CAPZB: variants seen among roughly 807,000 people sequenced by gnomAD.
CAPZB encodes capping actin protein of muscle Z-line subunit beta.
CAPZB carries 2 observed loss-of-function variants against 38.1 expected under a neutral mutation model. That is an observed-to-expected ratio of 0.05 (90% confidence interval 0.02 to 0.17). The LOEUF is 0.17. Among genes scored for constraint, CAPZB ranks in the 10% least tolerant of loss-of-function variants. The pLI is 1.00. For missense variants in CAPZB, 161 were observed against 334.2 expected (o/e 0.48, Z 4.04); for synonymous variants, 107 against 127.4 (o/e 0.84, Z 1.08).
intron 1 of CAPZB, among the ~76,000 whole-genome samples, chr1:19,476,084 A>G (rs1232840262): frequency 6.6e-6 from 1 of 152,200 alleles, no homozygotes; most frequent in Non-Finnish European, 1.5e-5. Flanking sequence ...AGCATTTTAG[A>G]AGGTCAAGGC....
intron 6 of CAPZB, 103 bp from the exon 7 acceptor site, chr1:19,345,355 C>A (rs2093954694): frequency 1.1e-6 from 1 of 920,910 alleles, no homozygotes. Flanking sequence ...CTACTGTTCC[C>A]ACCGTGGAGC....
At chr1:19,471,586 T>C (rs965476601) in intron 1 of CAPZB, among the ~76,000 whole-genome samples, 11 of 114,686 alleles carry the variant, frequency 9.6e-5, no homozygotes, top group South Asian at 2.8e-4. Context: ...CTTCCTCGGC[T>C]GGGCGCTGTG....
chr1:19,439,037 T>C (rs566666609), intron 1 of CAPZB, among the ~76,000 whole-genome samples: 5 of 152,318 alleles, frequency 3.3e-5, no homozygotes, highest in African/African-American at 1.2e-4. Flanking sequence ...TTACATGTTG[T>C]AAACATCACA....
intron 2 of CAPZB, among the ~76,000 whole-genome samples, chr1:19,411,623 C>A (rs1258330561): frequency 6.6e-6 from 1 of 152,156 alleles, no homozygotes; most frequent in East Asian, 1.9e-4. Flanking sequence ...ATTCATTCCA[C>A]CGTAATTGTC....
intron 2 of CAPZB, among the ~76,000 whole-genome samples, chr1:19,400,194 C>A (rs2094295545): frequency 6.6e-6 from 1 of 152,032 alleles, no homozygotes; most frequent in Non-Finnish European, 1.5e-5. Flanking sequence ...CTAAAGGGAG[C>A]CCAGTTTTTC....
chr1:19,362,739 C>G (rs968121082), intron 4 of CAPZB, among the ~76,000 whole-genome samples: 4 of 152,140 alleles, frequency 2.6e-5, no homozygotes, highest in Non-Finnish European at 5.9e-5. Context: ...GAAAGCCAGA[C>G]AGCACGGGCA....
chr1:19,460,246 G>A (rs1194109654), intron 1 of CAPZB, among the ~76,000 whole-genome samples: 11 of 152,314 alleles, frequency 7.2e-5, no homozygotes, highest in African/African-American at 2.4e-4. Context: ...TTAAATTTGT[G>A]AGTGGAAGAC....
intron 2 of CAPZB, among the ~76,000 whole-genome samples, chr1:19,390,729 A>C (rs1330697196): frequency 1.3e-5 from 2 of 152,060 alleles, no homozygotes; most frequent in Non-Finnish European, 2.9e-5. Flanking sequence ...GAAAAGAAAA[A>C]ACCCCAGAAG....
At position 19,446,178 on chromosome 1, in the gene CAPZB, G is replaced by A. The variant is rs557897169; in HGVS notation, c.4-26428C>T. 3.9e-5 allele frequency among the ~76,000 whole-genome samples: 6 copies of A among 152,316 alleles called. No individual in the cohort carries two copies. In the East Asian group the frequency reaches 1.2e-3, roughly 29 times the overall value. On this transcript the variant is annotated intron_variant, in intron 1 of 8. Transcript: ENST00000264202. ...GCTGCACTGCCAGGCTCGCTTTAAA[G>A]CCAGGCCAAAGGAAAACAGCACTGG... is the stretch of plus-strand genomic sequence containing the variant.
chr1:19,419,688 C>G lies in CAPZB; in HGVS notation c.66G>C (p.Glu22Asp). The G allele has an allele frequency of 2.5e-6, 4 of 1,596,488 alleles. No individual in the cohort carries two copies. Among genetic ancestry groups the G allele is most frequent in the Non-Finnish European group, 3.4e-6 (4 of 1,170,454 alleles). ...GGTCGATCAGGTCGCTGAGGTTTTT[C>G]TCGATTTGCTGGGGAGGCAGGCGCC... ...LMRRLPPQQI[E>D]KNLSDLIDLV... Residue 22 changes from glutamate to aspartate, a missense_variant, in exon 2 of 9, where the codon GAG (glutamate) becomes GAC (aspartate). Glu to Asp is a conservative substitution (Grantham distance 45). Coordinates refer to ENST00000264202, the MANE Select transcript of CAPZB (RefSeq NM_004930.5).
At chr1:19,414,392 A>T (rs2094370448) in intron 2 of CAPZB, among the ~76,000 whole-genome samples, 1 of 152,206 alleles carries the variant, frequency 6.6e-6, no homozygotes, top group African/African-American at 2.4e-5. Flanking sequence ...CTCCCCGGTA[A>T]AAAATCAGGA....
intron 4 of CAPZB, among the ~76,000 whole-genome samples, chr1:19,367,686 C>T (rs1230257683): frequency 6.6e-6 from 1 of 152,158 alleles, no homozygotes; most frequent in Non-Finnish European, 1.5e-5. Context: ...GTGCAACAAT[C>T]CCCCGAGTCA....
At chr1:19,457,697 G>A (rs1406240953) in intron 1 of CAPZB, among the ~76,000 whole-genome samples, 3 of 152,284 alleles carry the variant, frequency 2.0e-5, no homozygotes, top group East Asian at 1.9e-4. Flanking sequence ...CACTGCGGAC[G>A]GTGTTATGAA....
chr1:19,435,178 C>G (rs189135727), intron 1 of CAPZB, among the ~76,000 whole-genome samples: 159 of 152,276 alleles, frequency 1.0e-3, no homozygotes, highest in Middle Eastern at 0.01. Context: ...ATGATCTTTA[C>G]TAGTGGAAAC....
chr1:19,438,976 G>A (rs369127727), intron 1 of CAPZB, among the ~76,000 whole-genome samples: 1 of 152,222 alleles, frequency 6.6e-6, no homozygotes, highest in African/African-American at 2.4e-5. Flanking sequence ...ATAGGAATCC[G>A]TTTCCAATCA....
chr1:19,382,852 C>T lies in CAPZB; in HGVS notation c.215+2653G>A, dbSNP rs150831705. 2.3e-3 allele frequency among the ~76,000 whole-genome samples: 343 copies of T among 152,278 alleles called. 3 individuals are homozygous for T. The highest frequency in any genetic ancestry group is 7.8e-3 in the African/African-American group (326 of 41,556). On this transcript the variant is annotated intron_variant, in intron 3 of 8. Transcript: ENST00000264202. ...GATTAAGCAAGACCAGTTCAAGGAA[C>T]ACCTCCTCCAGGAAGCGTTCCCTGA...
At chr1:19,355,786 C>A (rs893322350) in intron 6 of CAPZB, among the ~76,000 whole-genome samples, 8 of 152,186 alleles carry the variant, frequency 5.3e-5, no homozygotes, top group Non-Finnish European at 2.9e-5. Context: ...TTCTCTTCCC[C>A]CTTTACGCCA....
intron 1 of CAPZB, among the ~76,000 whole-genome samples, chr1:19,448,337 C>A (rs892534477): frequency 3.9e-5 from 6 of 152,194 alleles, no homozygotes; most frequent in Non-Finnish European, 7.3e-5. Flanking sequence ...TCCCTTCCAC[C>A]CTTTCGGGAG....
chr1:19,388,935 A>T (rs1326399050), intron 2 of CAPZB, among the ~76,000 whole-genome samples: 1 of 152,186 alleles, frequency 6.6e-6, no homozygotes, highest in African/African-American at 2.4e-5. Flanking sequence ...CTACAGTGAA[A>T]AGCCTCTGGG....
Sources: gnomAD v4.1 joint callset for allele counts (sites outside exome capture counted in the v4.1 genomes callset) on GRCh38, gnomAD v4.1.1 for gene constraint, MANE v1.5 for transcripts, NCBI Gene and HGNC (gene_info 2026-07-23, HGNC 2026-07-21) for gene names.